Variants in LIN54 observed in about 807,000 individuals in gnomAD.
LIN54 encodes the protein protein lin-54 homolog.
LIN54 carries 9 observed loss-of-function variants against 78.7 expected under a neutral mutation model. The ratio of observed to expected loss-of-function variants is 0.11; its 90% CI spans 0.07 to 0.20. The LOEUF is 0.20. Among genes scored for constraint, LIN54 ranks in the 10% least tolerant of loss-of-function variants. LIN54 has a pLI of 1.00. For missense variants in LIN54, 573 were observed against 889.9 expected (o/e 0.64, Z 4.53); for synonymous variants, 269 against 318.4 (o/e 0.84, Z 1.65).
rs1721463016 is a variant in LIN54 at position 82,926,297 on chromosome 4, A to G, written c.*1805T>C. 1 of 152,534 alleles carries G rather than the reference A, an allele frequency of 6.6e-6. No individual in the cohort carries two copies. The highest frequency in any genetic ancestry group is 6.6e-5 in the Admixed American group (1 of 15,250). The allele number at this position is 152,534 out of a possible 1,614,324, so 9.4% of individuals were successfully genotyped here. ...ATTTTACCCTCTTACACTAATTTAC[A>G]TTTATACAAATTTTAATTAAACATA... On this transcript the variant is annotated 3_prime_UTR_variant, in exon 13 of 13. Transcript: ENST00000340417.
chr4:82,927,018 GCA>G lies in LIN54; in HGVS notation c.*1082_*1083del, dbSNP rs1721531551. ...AAAAATGAGCCGGGCATGGTGGCAT[GCA>G]CCTGTAGTCCCAGCTACACGGGAGG... On this transcript the variant is annotated 3_prime_UTR_variant, in exon 13 of 13. Transcript: ENST00000340417. The G allele has an allele frequency of 1.3e-5, 2 of 152,430 alleles. No homozygotes were observed. The highest frequency in any genetic ancestry group is 2.4e-5 in the African/African-American group (1 of 41,412). 9.4% of individuals were successfully genotyped at this position (152,430 alleles called of 1,614,324 possible).
In LIN54 at chr4:82,984,567, G is replaced by T. The variant is rs1560774258; in HGVS notation, c.278C>A (p.Pro93Gln). Residue 93 changes from proline (P) to glutamine (Q), a missense_variant, in exon 2 of 13, where the codon CCA (proline) becomes CAA (glutamine). By Grantham distance (76) the Pro-to-Gln change is moderately conservative. Coordinates refer to ENST00000340417, the MANE Select transcript of LIN54 (RefSeq NM_194282.4). The part of the protein sequence containing the change: ...TKADSNTTVK[P>Q]AFPSGLQKLG... ...TTTTTGAAGGCCACTTGGAAAAGCTGGTTTCACTGTGGTATTAGAATCTGC... is the reference window on the plus strand; with the variant it reads ...TTTTTGAAGGCCACTTGGAAAAGCTTGTTTCACTGTGGTATTAGAATCTGC... The T allele has an allele frequency of 6.2e-7, 1 of 1,614,054 alleles. No homozygotes were observed. The highest frequency in any genetic ancestry group is 8.5e-7 in the Non-Finnish European group (1 of 1,180,048).
Position 82,937,217 on chromosome 4 carries a change from A to T in LIN54, c.1604+10T>A. The T allele has an allele frequency of 8.0e-7, 1 of 1,244,452 alleles. No individual in the cohort carries two copies. Among genetic ancestry groups the T allele is most frequent in the Non-Finnish European group, 1.2e-6 (1 of 843,370 alleles). 77.1% of individuals were successfully genotyped at this position (1,244,452 alleles called of 1,614,324 possible). A position where few individuals can be genotyped will look rare whatever the true frequency, so the allele number is the denominator to read the frequency against. ...ACATTAAATAAGCAAACAGTTGCAA[A>T]AACACTTACAATTTCAAACACAGTG... On this transcript the variant is annotated intron_variant, in intron 9 of 12. Coordinates refer to ENST00000340417, the MANE Select transcript of LIN54 (RefSeq NM_194282.4).
chr4:82,968,460 G>A (rs72664776), intron 4 of LIN54, among the ~76,000 whole-genome samples: 193 of 152,140 alleles, frequency 1.3e-3, no homozygotes, highest in Non-Finnish European at 2.4e-3. Context: ...ATCTAAGTCA[G>A]AAATACAGGA....
intron 1 of LIN54, among the ~76,000 whole-genome samples, chr4:82,998,634 A>C (rs1728468645): frequency 6.6e-6 from 1 of 151,888 alleles, no homozygotes. Context: ...GAAACAGAGA[A>C]AGAAAAAGAA....
intron 3 of LIN54, among the ~76,000 whole-genome samples, chr4:82,975,260 A>T (rs1298878159): frequency 6.6e-6 from 1 of 151,390 alleles, no homozygotes; most frequent in Non-Finnish European, 1.5e-5. Context: ...TGGGAAGCTG[A>T]GGCAGGAGAA....
In LIN54 at chr4:82,937,289, T is replaced by A; in HGVS notation, c.1542A>T (p.Pro514=). The change falls in exon 9 of 13, where the codon CCA becomes CCT. Residue 514 remains proline (P), a synonymous_variant. Coordinates refer to ENST00000340417, the MANE Select transcript of LIN54 (RefSeq NM_194282.4). ...TTCGGGGCCGACTGGCCGACTCTGA[T>A]GGGATTATGCTGTACAGATAGAAAA... ...QARLPFNGII[P]SESASRPRKP... The A allele has an allele frequency of 6.3e-7, 1 of 1,592,842 alleles. No individual in the cohort carries two copies. Among genetic ancestry groups the A allele is most frequent in the Non-Finnish European group, 8.6e-7 (1 of 1,160,720 alleles).
intron 4 of LIN54, among the ~76,000 whole-genome samples, chr4:82,948,254 A>T (rs1723569523): frequency 6.6e-6 from 1 of 152,208 alleles, no homozygotes; most frequent in Non-Finnish European, 1.5e-5. Context: ...CATAATAGTT[A>T]CATTTATTGG....
intron 1 of LIN54, among the ~76,000 whole-genome samples, chr4:83,009,707 T>C (rs1450118593): frequency 6.6e-6 from 1 of 152,192 alleles, no homozygotes; most frequent in Non-Finnish European, 1.5e-5. Flanking sequence ...TCAATTTATT[T>C]TTCCCAACTT....
intron 5 of LIN54, 73 bp from the exon 6 acceptor site, chr4:82,940,035 AG>A: frequency 1.0e-6 from 1 of 983,160 alleles, no homozygotes; most frequent in South Asian, 1.5e-5. Context: ...AAGAATACTT[AG>A]CTCTCCCAAG....
Position 82,979,073 on chromosome 4 carries a change from C to G in LIN54, c.685-67G>C, listed in dbSNP as rs1434204258. The G allele has an allele frequency of 5.5e-6, 7 of 1,264,032 alleles. No individual in the cohort carries two copies. In the Admixed American group the frequency reaches 6.0e-5, roughly 11 times the overall value. 78.3% of individuals were successfully genotyped at this position (1,264,032 alleles called of 1,614,324 possible). Reference sequence around the variant, plus strand: ...AAATGCCTATTAAATCAAAATTATACCAAAGATTCACACAAAGTAGCACAT... The same window carrying G: ...AAATGCCTATTAAATCAAAATTATAGCAAAGATTCACACAAAGTAGCACAT... On this transcript the variant is annotated intron_variant, in intron 2 of 12. Transcript: ENST00000340417.
In LIN54 at chr4:82,984,576, G is replaced by C; in HGVS notation, c.269C>G (p.Thr90Arg). The change falls in exon 2 of 13, where the codon ACA (threonine) becomes AGA (arginine). Residue 90 changes from threonine to arginine, a missense_variant. Coordinates refer to ENST00000340417, the MANE Select transcript of LIN54 (RefSeq NM_194282.4). ...TTITKADSNT[T>R]VKPAFPSGLQ... Reference sequence around the variant, plus strand: ...GCCACTTGGAAAAGCTGGTTTCACTGTGGTATTAGAATCTGCTTTAGTAAT... The same window carrying C: ...GCCACTTGGAAAAGCTGGTTTCACTCTGGTATTAGAATCTGCTTTAGTAAT... The C allele has an allele frequency of 6.2e-7, 1 of 1,614,194 alleles. No individual in the cohort carries two copies.
At chr4:83,004,574 C>T (rs1422778254) in intron 1 of LIN54, among the ~76,000 whole-genome samples, 2 of 152,094 alleles carry the variant, frequency 1.3e-5, no homozygotes, top group Non-Finnish European at 2.9e-5. Flanking sequence ...ACTGCAGCCT[C>T]GGACACCTGG....
chr4:82,938,763 A>G (rs762268842), intron 7 of LIN54, among the ~76,000 whole-genome samples: 1 of 152,252 alleles, frequency 6.6e-6, no homozygotes, highest in Non-Finnish European at 1.5e-5. Flanking sequence ...GTATGTCGGA[A>G]TGATAGGAAA....
intron 3 of LIN54, among the ~76,000 whole-genome samples, chr4:82,972,817 C>T (rs1338605894): frequency 6.6e-6 from 1 of 151,990 alleles, no homozygotes; most frequent in Non-Finnish European, 1.5e-5. Context: ...CCCGTCTCTA[C>T]TAAAACTACA....
chr4:82,991,444 A>AC (rs1560782465), intron 1 of LIN54, among the ~76,000 whole-genome samples: 1 of 152,014 alleles, frequency 6.6e-6, no homozygotes, highest in Admixed American at 6.6e-5. Flanking sequence ...AGATGACTTA[A>AC]GATTTTCTAT....
intron 4 of LIN54, among the ~76,000 whole-genome samples, chr4:82,955,424 T>TAAC (rs1338632940): frequency 6.1e-4 from 49 of 80,058 alleles, no homozygotes; most frequent in Non-Finnish European, 1.2e-3. Context: ...CATAACATAA[T>TAAC]GAACAGACAA....
intron 4 of LIN54, among the ~76,000 whole-genome samples, chr4:82,969,113 T>C (rs369787552): frequency 3.3e-5 from 5 of 152,284 alleles, no homozygotes; most frequent in African/African-American, 1.2e-4. Flanking sequence ...GCTCTCACAC[T>C]GCAAAAATCA....
intron 5 of LIN54, among the ~76,000 whole-genome samples, chr4:82,942,877 C>A (rs1375148632): frequency 6.6e-6 from 1 of 151,790 alleles, no homozygotes; most frequent in Non-Finnish European, 1.5e-5. Flanking sequence ...CACACACACA[C>A]ACACACACAC....
Sources: allele counts gnomAD v4.1 joint callset (sites outside exome capture counted in the v4.1 genomes callset), GRCh38; gene constraint gnomAD v4.1.1; transcripts MANE v1.5; gene names NCBI Gene and HGNC (gene_info 2026-07-23, HGNC 2026-07-21).